TTLL5: variants seen among roughly 807,000 people sequenced by gnomAD.
TTLL5 encodes the protein tubulin tyrosine ligase like 5.
A neutral mutation model predicts 168.4 loss-of-function variants in TTLL5; 132 were observed. The observed-to-expected ratio is 0.78, with a 90% confidence interval of 0.68 to 0.91. The LOEUF is 0.91. TTLL5 is among the 40% of genes least tolerant of loss of function. TTLL5 has a pLI of 0.00. For missense variants in TTLL5, 1,545 were observed against 1,581.5 expected, an observed-to-expected ratio of 0.98 and a Z score of 0.39; for synonymous variants, 546 against 558.6, an observed-to-expected ratio of 0.98 and a Z score of 0.32.
At chr14:75,689,916 A>C (rs1885325819) in intron 5 of TTLL5, 1 of 316,878 alleles carries the variant, frequency 3.2e-6, no homozygotes, top group Admixed American at 5.7e-5. Flanking sequence ...TGGTGGTTAC[A>C]TAATTGTATG....
At chr14:75,853,597 A>G (rs1896985248) in intron 28 of TTLL5, among the ~76,000 whole-genome samples, 1 of 152,268 alleles carries the variant, frequency 6.6e-6, no homozygotes, top group Non-Finnish European at 1.5e-5. Flanking sequence ...GCAAAGTACA[A>G]GAGAGAAAAA....
Position 75,902,316 on chromosome 14 carries a change from C to T in TTLL5, c.3823+92C>T, listed in dbSNP as rs2032960655. 3.1e-6 allele frequency: 4 copies of T among 1,296,540 alleles called. No homozygotes were observed. In the African/African-American group the frequency reaches 4.4e-5, roughly 14 times the overall value. 80.3% of individuals were successfully genotyped at this position (1,296,540 alleles called of 1,614,324 possible). On this transcript the variant is annotated intron_variant, in intron 31 of 31. Coordinates refer to ENST00000298832, the MANE Select transcript of TTLL5 (RefSeq NM_015072.5). ...TCTCTTCTGCCTCCAAAGAGAGCCCCAGTTCAAAGAATGAAACATCTAGCC... is the reference window on the plus strand; with the variant it reads ...TCTCTTCTGCCTCCAAAGAGAGCCCTAGTTCAAAGAATGAAACATCTAGCC...
At chr14:75,849,470 A>G (rs911013366) in intron 28 of TTLL5, among the ~76,000 whole-genome samples, 9 of 152,340 alleles carry the variant, frequency 5.9e-5, no homozygotes, top group Non-Finnish European at 8.8e-5. Flanking sequence ...AGGAGGTCAT[A>G]TGCTGGGAAA....
chr14:75,779,989 C>A (rs1891952143), intron 24 of TTLL5, among the ~76,000 whole-genome samples: 1 of 152,094 alleles, frequency 6.6e-6, no homozygotes, highest in African/African-American at 2.4e-5. Context: ...GTCTGCTGGA[C>A]ATGGTCTTAT....
Position 75,863,859 on chromosome 14 carries a change from C to G in TTLL5, c.3519C>G (p.His1173Gln). 1 of 1,437,160 alleles carries G rather than the reference C, an allele frequency of 7.0e-7. No individual in the cohort carries two copies. The highest frequency in any genetic ancestry group is 1.1e-5 in the South Asian group (1 of 87,520). 89.0% of individuals were successfully genotyped at this position (1,437,160 alleles called of 1,614,324 possible). Reference sequence around the variant, plus strand: ...TCCTGGACCAGAGTCGAGCCCGGCACCAGGTAATTCAAGATAAGTCTTTTC... The same window carrying G: ...TCCTGGACCAGAGTCGAGCCCGGCAGCAGGTAATTCAAGATAAGTCTTTTC... ...RQLLDQSRAR[H>Q]QAIFGSQTLP... The change falls in exon 29 of 32, where the codon CAC becomes CAG. Residue 1173 changes from histidine (H) to glutamine (Q), a missense_variant. Physicochemically the swap from His to Gln is conservative, Grantham distance 24. Transcript: ENST00000298832.
intron 21 of TTLL5, 109 bp from the exon 22 acceptor site, chr14:75,775,375 G>A: frequency 7.9e-7 from 1 of 1,260,064 alleles, no homozygotes; most frequent in Admixed American, 2.2e-5. Context: ...GTTGAAATGT[G>A]TAATATATGT....
At chr14:75,806,639 A>T (rs572090335) in intron 27 of TTLL5, among the ~76,000 whole-genome samples, 25 of 151,708 alleles carry the variant, frequency 1.6e-4, no homozygotes, top group Non-Finnish European at 3.2e-4. Flanking sequence ...CTTCACTCAT[A>T]TGCATACTCT....
chr14:75,736,363 G>A (rs543969464), intron 15 of TTLL5, among the ~76,000 whole-genome samples: 9 of 151,962 alleles, frequency 5.9e-5, no homozygotes, highest in South Asian at 2.1e-4. Context: ...TTCTGTTTGC[G>A]AAATCCATAT....
chr14:75,898,710 T>G (rs918345221), intron 30 of TTLL5, among the ~76,000 whole-genome samples: 1 of 152,196 alleles, frequency 6.6e-6, no homozygotes, highest in African/African-American at 2.4e-5. Flanking sequence ...CTTTTCTAAA[T>G]ACAAACCTAC....
At chr14:75,783,666 G>A (rs570377091) in intron 26 of TTLL5, 136 bp downstream of exon 26, 1 of 1,216,444 alleles carries the variant, frequency 8.2e-7, no homozygotes, top group Non-Finnish European at 1.1e-6. Flanking sequence ...GTTCTGACGT[G>A]ACTAAAGAAG....
chr14:75,790,946 A>G (rs1371642686), intron 26 of TTLL5, among the ~76,000 whole-genome samples: 16 of 150,132 alleles, frequency 1.1e-4, no homozygotes, highest in African/African-American at 3.7e-4. Context: ...AAAAAAAAAA[A>G]AAAAGAAAAA....
chr14:75,789,767 A>G (rs187440078), intron 26 of TTLL5, among the ~76,000 whole-genome samples: 120 of 152,348 alleles, frequency 7.9e-4, no homozygotes, highest in African/African-American at 2.6e-3. Context: ...GGAAGACTCA[A>G]TATCATCAAA....
intron 14 of TTLL5, 90 bp from the exon 15 acceptor site, chr14:75,735,105 C>G: frequency 2.5e-6 from 3 of 1,185,344 alleles, no homozygotes; most frequent in Non-Finnish European, 3.8e-6. Context: ...GACAGTGAAA[C>G]TGAGTTTGTG....
At chr14:75,706,616 A>G (rs560569744) in intron 7 of TTLL5, among the ~76,000 whole-genome samples, 3 of 152,226 alleles carry the variant, frequency 2.0e-5, no homozygotes, top group Admixed American at 1.3e-4. Context: ...ATTTAAGAAT[A>G]GTAGTAGTAT....
At chr14:75,774,242 T>C (rs951596404) in intron 21 of TTLL5, among the ~76,000 whole-genome samples, 4 of 152,194 alleles carry the variant, frequency 2.6e-5, no homozygotes, top group African/African-American at 9.7e-5. Context: ...TTGAAGCATT[T>C]ATGATTTCAT....
chr14:75,919,453 T>C (rs576206248), intron 31 of TTLL5, among the ~76,000 whole-genome samples: 3 of 152,154 alleles, frequency 2.0e-5, no homozygotes, highest in Non-Finnish European at 2.9e-5. Flanking sequence ...AATAAACTTA[T>C]ATATCAAATA....
intron 12 of TTLL5, among the ~76,000 whole-genome samples, chr14:75,725,072 C>T (rs1888104966): frequency 6.6e-6 from 1 of 152,204 alleles, no homozygotes; most frequent in Admixed American, 6.5e-5. Context: ...TCAGCCTGGA[C>T]TTGTTCTGAT....
intron 21 of TTLL5, among the ~76,000 whole-genome samples, chr14:75,772,816 C>T (rs1393199529): frequency 6.6e-6 from 1 of 151,988 alleles, no homozygotes; most frequent in Non-Finnish European, 1.5e-5. Flanking sequence ...TACAGGCACC[C>T]ACCACCAAGC....
At chr14:75,949,863 A>G (rs2034902485) in intron 31 of TTLL5, among the ~76,000 whole-genome samples, 2 of 152,128 alleles carry the variant, frequency 1.3e-5, no homozygotes, top group Non-Finnish European at 2.9e-5. Flanking sequence ...AAAAAAAGAA[A>G]AAAAAAAAAG....
Sources: allele counts gnomAD v4.1 joint callset (sites outside exome capture counted in the v4.1 genomes callset), GRCh38; gene constraint gnomAD v4.1.1; transcripts MANE v1.5; gene names NCBI Gene and HGNC (gene_info 2026-07-23, HGNC 2026-07-21).